Variants in CRACDL observed in about 807,000 individuals in gnomAD.
CRACDL encodes CRACD-like protein.
CRACDL carries 26 observed loss-of-function variants against 70.6 expected under a neutral mutation model. That is an observed-to-expected ratio of 0.37 (90% confidence interval 0.27 to 0.51). The LOEUF (loss-of-function observed/expected upper bound fraction) is 0.51. CRACDL is among the 20% of genes least tolerant of loss of function. The pLI is 0.94. For missense variants in CRACDL, 1,283 were observed against 1,376.9 expected, an observed-to-expected ratio of 0.93 and a Z score of 1.08; for synonymous variants, 618 against 615.2, an observed-to-expected ratio of 1.00 and a Z score of -0.07.
intron 1 of CRACDL, among the ~76,000 whole-genome samples, chr2:98,855,769 T>G (rs1161350103): frequency 2.0e-5 from 3 of 152,146 alleles, no homozygotes; most frequent in Non-Finnish European, 2.9e-5. Context: ...CTTATCAAAT[T>G]GAGATTATTA....
rs184139708 is a variant in CRACDL, at chr2:98,812,712, T to G, written c.2416+9145A>C. Among the ~76,000 whole-genome samples the G allele has an allele frequency of 1.0e-4, 15 of 144,960 alleles. No individual in the cohort carries two copies. In the East Asian group the frequency reaches 1.2e-3, roughly 11 times the overall value. On this transcript the variant is annotated intron_variant, in intron 7 of 9. Transcript: ENST00000397899. Reference sequence around the variant, plus strand: ...TTCTAATTGGTTTGCTGTTTTTTTGTTTTTTTTTTTACTATTGACTTTAAA... The same window carrying G: ...TTCTAATTGGTTTGCTGTTTTTTTGGTTTTTTTTTTACTATTGACTTTAAA...
Position 98,823,151 on chromosome 2 carries a change from C to G in CRACDL, c.1122G>C (p.Glu374Asp), listed in dbSNP as rs537525119. 63 of 1,553,080 alleles carry G rather than the reference C, an allele frequency of 4.1e-5. 1 individual carries two copies. In the Admixed American group the frequency reaches 6.7e-4, roughly 16 times the overall value. The change falls in exon 7 of 10, where the codon GAG (glutamate) becomes GAC (aspartate). Residue 374 changes from glutamate to aspartate, a missense_variant. By Grantham distance (45) the Glu-to-Asp change is conservative. Transcript: ENST00000397899. This position sits in a 1 kb window ranked among gnomAD's most constrained non-coding sequence, Gnocchi z 4.0. ...GGGCACACGGGCCTGCGGGGGGCGC[C>G]TCCCCATCCTGCTTTCCGCCGTCGG... ...PGPDGGKQDG[E>D]APPAGPCAPA...
chr2:98,849,516 G>A (rs1216691117), intron 1 of CRACDL, among the ~76,000 whole-genome samples: 1 of 152,108 alleles, frequency 6.6e-6, no homozygotes, highest in African/African-American at 2.4e-5. Flanking sequence ...TGAAGGACAT[G>A]GTTGTGAGAA....
intron 1 of CRACDL, among the ~76,000 whole-genome samples, chr2:98,879,301 A>G (rs76896005): frequency 2.0e-5 from 3 of 152,204 alleles, no homozygotes; most frequent in Admixed American, 6.5e-5. Context: ...AAGGTCTTTC[A>G]CTGTGTTCAT....
At chr2:98,885,700 G>A (rs551717095) in intron 1 of CRACDL, among the ~76,000 whole-genome samples, 6 of 152,276 alleles carry the variant, frequency 3.9e-5, no homozygotes, top group Admixed American at 1.3e-4. Context: ...TTCAAGCAAT[G>A]GAACTGAGAT....
intron 1 of CRACDL, among the ~76,000 whole-genome samples, chr2:98,891,168 C>G (rs1281171501): frequency 6.6e-6 from 1 of 151,618 alleles, no homozygotes; most frequent in Non-Finnish European, 1.5e-5. Context: ...CACTTGAGGT[C>G]AGTAGTTCAA....
In CRACDL at chr2:98,838,260, A is replaced by G. The variant is rs1705879690; in HGVS notation, c.98T>C (p.Phe33Ser). Residue 33 changes from phenylalanine (F) to serine (S), a missense_variant, in exon 3 of 10, where the codon TTT (phenylalanine) becomes TCT (serine). By Grantham distance (155) the Phe-to-Ser change is radical. Coordinates refer to ENST00000397899, the MANE Select transcript of CRACDL (RefSeq NM_207362.3). ...CTTCTTCTTCCCAAAAAACTTCTTA[A>G]AAGTTTTGAATTTAGATTTTTTCTT... ...TGKKKSKFKT[F>S]KKFFGKKKRK... The G allele has an allele frequency of 6.2e-7, 1 of 1,606,734 alleles. No homozygotes were observed.
intron 3 of CRACDL, 101 bp from the exon 4 acceptor site, chr2:98,833,098 A>G (rs771990572): frequency 1.9e-6 from 2 of 1,064,098 alleles, no homozygotes; most frequent in Non-Finnish European, 2.7e-6. Context: ...CAGAACATCA[A>G]ACAACACTCC....
intron 1 of CRACDL, among the ~76,000 whole-genome samples, chr2:98,873,560 C>A (rs1707405940): frequency 6.6e-6 from 1 of 152,256 alleles, no homozygotes; most frequent in African/African-American, 2.4e-5. Context: ...TCCCTCTGGG[C>A]CTGCCAGGAA....
chr2:98,920,827 C>G (rs2104692473), intron 1 of CRACDL, among the ~76,000 whole-genome samples: 1 of 152,280 alleles, frequency 6.6e-6, no homozygotes, highest in African/African-American at 2.4e-5. Context: ...AAAGCACACC[C>G]CACCATAAGT....
rs1233233776 is a variant in CRACDL, at chr2:98,821,878, T to C, written c.2395A>G (p.Arg799Gly). The C allele has an allele frequency of 5.6e-6, 9 of 1,605,246 alleles. No homozygotes were observed. Among genetic ancestry groups the C allele is most frequent in the Non-Finnish European group, 7.6e-6 (9 of 1,178,102 alleles). The change falls in exon 7 of 10, where the codon AGG becomes GGG. Residue 799 changes from arginine (R) to glycine (G), a missense_variant. Transcript: ENST00000397899. ...TTACCAGCTCCCCTGCGCAGCGGCC[T>C]TTTCTCCGCCGTCCTGGGCTCCTTC... ...PRKEPRTAEK[R>G]PLRRGAEKSL...
At position 98,821,942 on chromosome 2, in the gene CRACDL, G is replaced by T; in HGVS notation, c.2331C>A (p.Pro777=). ...LLQSFTLPHQ[P]APPDAGPGER... Reference sequence around the variant, plus strand: ...CTCCCGGGCCGGCGTCGGGGGGCGCGGGCTGGTGCGGGAGCGTGAAGCTCT... The same window carrying T: ...CTCCCGGGCCGGCGTCGGGGGGCGCTGGCTGGTGCGGGAGCGTGAAGCTCT... The change falls in exon 7 of 10, where the codon CCC becomes CCA. Residue 777 remains proline, a synonymous_variant. Coordinates refer to ENST00000397899, the MANE Select transcript of CRACDL (RefSeq NM_207362.3). The T allele has an allele frequency of 6.4e-7, 1 of 1,555,778 alleles. No individual in the cohort carries two copies. The highest frequency in any genetic ancestry group is 8.7e-7 in the Non-Finnish European group (1 of 1,154,526).
chr2:98,913,877 G>A (rs1708603779), intron 1 of CRACDL, among the ~76,000 whole-genome samples: 2 of 152,202 alleles, frequency 1.3e-5, no homozygotes, highest in Non-Finnish European at 2.9e-5. Context: ...TGATCCTGCA[G>A]CAACCCAGTA....
chr2:98,891,930 C>T (rs1290362567), intron 1 of CRACDL, among the ~76,000 whole-genome samples: 1 of 151,980 alleles, frequency 6.6e-6, no homozygotes, highest in Non-Finnish European at 1.5e-5. Context: ...GAAAAGTAGG[C>T]AAAGGACATG....
At chr2:98,896,952 C>T (rs949798455) in intron 1 of CRACDL, among the ~76,000 whole-genome samples, 3 of 152,208 alleles carry the variant, frequency 2.0e-5, no homozygotes, top group Admixed American at 6.5e-5. Context: ...AAATATTTTG[C>T]GTTATTTCTA....
At chr2:98,817,824 T>C (rs1704846528) in intron 7 of CRACDL, among the ~76,000 whole-genome samples, 1 of 152,234 alleles carries the variant, frequency 6.6e-6, no homozygotes, top group Non-Finnish European at 1.5e-5. Context: ...GATTAGCCAA[T>C]GCTGGTTATC....
intron 1 of CRACDL, among the ~76,000 whole-genome samples, chr2:98,858,512 C>CA (rs370742460): frequency 0.075 from 4,159 of 55,354 alleles, 214 homozygotes; most frequent in East Asian, 0.18. Context: ...GAGACTCTGT[C>CA]AAAAAAAAAA....
At chr2:98,904,936 C>T (rs1021410020) in intron 1 of CRACDL, among the ~76,000 whole-genome samples, 2 of 152,024 alleles carry the variant, frequency 1.3e-5, no homozygotes, top group African/African-American at 2.4e-5. Flanking sequence ...ATGAGTTCAT[C>T]CTAGATCTGG....
intron 1 of CRACDL, among the ~76,000 whole-genome samples, chr2:98,850,834 T>C (rs1288269737): frequency 6.6e-6 from 1 of 152,176 alleles, no homozygotes; most frequent in Non-Finnish European, 1.5e-5. Context: ...CCCTCCACCC[T>C]AACTGACCAC....
Sources: allele counts gnomAD v4.1 joint callset (sites outside exome capture counted in the v4.1 genomes callset), GRCh38; gene constraint gnomAD v4.1.1; non-coding constraint Gnocchi (gnomAD v3.1); transcripts MANE v1.5; gene names NCBI Gene and HGNC (gene_info 2026-07-23, HGNC 2026-07-21).